SHISA5: variants seen among roughly 807,000 people sequenced by gnomAD.
SHISA5 encodes the protein protein shisa-5.
A neutral mutation model predicts 27.5 loss-of-function variants in SHISA5; 21 were observed. That is an observed-to-expected ratio of 0.76 (90% CI 0.54 to 1.10). The LOEUF is 1.10. Among genes scored for constraint, SHISA5 ranks in the 50% least tolerant of loss-of-function variants. The pLI is 0.00. For synonymous variants in SHISA5, 137 were observed against 142.2 expected (o/e 0.96, Z 0.26); for missense variants, 314 against 336.3 (o/e 0.93, Z 0.52).
At chr3:48,494,539 C>T (rs1388976438) in intron 2 of SHISA5, among the ~76,000 whole-genome samples, 1 of 147,618 alleles carries the variant, frequency 6.8e-6, no homozygotes, top group East Asian at 1.9e-4. Context: ...GTGATCCACC[C>T]CCCCTTGGCC....
intron 2 of SHISA5, among the ~76,000 whole-genome samples, chr3:48,486,287 G>GTATTATA (rs1456137302): frequency 2.4e-3 from 2 of 838 alleles, no homozygotes; most frequent in Non-Finnish European, 4.5e-3. Flanking sequence ...AACATATAAT[G>GTATTATA]TATTATATAT....
In SHISA5 at chr3:48,468,906, C is replaced by G. The variant is rs1489560150; in HGVS notation, c.*201G>C. The G allele has an allele frequency of 6.5e-7, 1 of 1,539,316 alleles. No homozygotes were observed. Among genetic ancestry groups the G allele is most frequent in the Admixed American group, 2.0e-5 (1 of 51,076 alleles). On this transcript the variant is annotated 3_prime_UTR_variant, in exon 6 of 6. Transcript: ENST00000296444. ...AAGAGAACAAAGTCTGGTCCCAGCC[C>G]ACTCTGGCAAGGATTGTTCCCCACC...
chr3:48,473,294 C>T lies in SHISA5; in HGVS notation c.315-3451G>A. 1.4e-6 allele frequency: 2 copies of T among 1,385,608 alleles called. No homozygotes were observed. Among genetic ancestry groups the T allele is most frequent in the Non-Finnish European group, 1.9e-6 (2 of 1,063,314 alleles). The allele number at this position is 1,385,608 out of a possible 1,614,324, so 85.8% of individuals were successfully genotyped here. ...GTGCCCCATTTGCCTCCCAGAGCTG[C>T]CTCCCTGAGCCAAGCCTACAGGGCC... On this transcript the variant is annotated intron_variant, in intron 3 of 5. Transcript: ENST00000296444. This position sits in a 1 kb window ranked among gnomAD's most constrained non-coding sequence, Gnocchi z 4.3.
In SHISA5 at chr3:48,501,216, A is replaced by C. The variant is rs1418186199; in HGVS notation, c.154T>G (p.Cys52Gly). The change falls in exon 2 of 6, where the codon TGT becomes GGT. Residue 52 changes from cysteine to glycine, a missense_variant. Coordinates refer to ENST00000296444, the MANE Select transcript of SHISA5 (RefSeq NM_016479.6). ...TCAGAGCAGCAGTATTGGTCATCAC[A>C]GGTACCACAGCAGAAATCTGGACAG... is the stretch of plus-strand genomic sequence containing the variant. ...ESCPDFCCGT[C>G]DDQYCCSDVL... is the part of the protein sequence containing the mutation. 5.0e-6 allele frequency: 8 copies of C among 1,614,134 alleles called. No homozygotes were observed. Among genetic ancestry groups the C allele is most frequent in the Non-Finnish European group, 6.8e-6 (8 of 1,180,020 alleles).
At position 48,501,224 on chromosome 3, in the gene SHISA5, C is replaced by T. The variant is rs765671794; in HGVS notation, c.146G>A (p.Cys49Tyr). 3.7e-6 allele frequency: 6 copies of T among 1,614,204 alleles called. No individual in the cohort carries two copies. In the South Asian group the frequency reaches 6.6e-5, roughly 18 times the overall value. ...GCAGTATTGGTCATCACAGGTACCA[C>T]AGCAGAAATCTGGACAGGACTCGGG... The part of the protein sequence containing the change: ...LFPESCPDFC[C>Y]GTCDDQYCCS... Residue 49 changes from cysteine (C) to tyrosine (Y), a missense_variant, in exon 2 of 6, where the codon TGT becomes TAT. Transcript: ENST00000296444.
rs1560115492 is a variant in SHISA5 at position 48,468,509 on chromosome 3, C to T, written c.*598G>A. 1.0e-5 allele frequency: 12 copies of T among 1,183,534 alleles called. No individual in the cohort carries two copies. Among genetic ancestry groups the T allele is most frequent in the South Asian group, 1.6e-5 (1 of 61,456 alleles). The allele number at this position is 1,183,534 out of a possible 1,614,324, so 73.3% of individuals were successfully genotyped here. A position where few individuals can be genotyped will look rare whatever the true frequency, so the allele number is the denominator to read the frequency against. Reference sequence around the variant, plus strand: ...CATCAGGAGGCTGCCTGATCCCCAACAGGCATGACAGGCTCCAGGGAGCAA... The same window carrying T: ...CATCAGGAGGCTGCCTGATCCCCAATAGGCATGACAGGCTCCAGGGAGCAA... On this transcript the variant is annotated 3_prime_UTR_variant, in exon 6 of 6. Coordinates refer to ENST00000296444, the MANE Select transcript of SHISA5 (RefSeq NM_016479.6).
At chr3:48,501,379 C>A (rs1553831288) in intron 1 of SHISA5, 86 bp from the exon 2 acceptor site, 8 of 1,384,416 alleles carry the variant, frequency 5.8e-6, no homozygotes, top group Non-Finnish European at 6.0e-6. Flanking sequence ...AGCCACCAGA[C>A]CACACACACA....
At chr3:48,479,292 A>T in intron 2 of SHISA5, 35 bp from the exon 3 acceptor site, 3 of 1,569,752 alleles carry the variant, frequency 1.9e-6, no homozygotes, top group Non-Finnish European at 2.6e-6. Context: ...AGCACAATGA[A>T]GCCCCACCGA....
At chr3:48,483,773 C>T (rs2041107996) in intron 2 of SHISA5, among the ~76,000 whole-genome samples, 1 of 148,740 alleles carries the variant, frequency 6.7e-6, no homozygotes, top group Admixed American at 6.7e-5. Context: ...GGGGCTGACC[C>T]CACCACCTCC....
intron 1 of SHISA5, chr3:48,502,246 AGGGGCCT>A: frequency 5.4e-6 from 2 of 372,864 alleles, no homozygotes; most frequent in South Asian, 3.9e-5. Flanking sequence ...CCACAACTGC[AGGGGCCT>A]GGCTCTCACA....
At chr3:48,496,784 A>C (rs1011457561) in intron 2 of SHISA5, among the ~76,000 whole-genome samples, 2 of 152,016 alleles carry the variant, frequency 1.3e-5, no homozygotes, top group African/African-American at 4.8e-5. Flanking sequence ...ATACCATAAA[A>C]AAAAACAAAG....
chr3:48,473,655 C>T lies in SHISA5; in HGVS notation c.315-3812G>A, dbSNP rs901156786. On this transcript the variant is annotated intron_variant, in intron 3 of 5. Coordinates refer to ENST00000296444, the MANE Select transcript of SHISA5 (RefSeq NM_016479.6). The surrounding 1 kb of genome is among the most constrained non-coding windows in gnomAD (Gnocchi z 4.3). ...TCCATCATGTCACCACCTGCTCAAA[C>T]GCCAGCTATGGCTCCTGTAGCTCTT... The T allele has an allele frequency of 1.3e-5, 15 of 1,157,682 alleles. No homozygotes were observed. The highest frequency in any genetic ancestry group is 3.9e-5 in the Admixed American group (1 of 25,930). The allele number at this position is 1,157,682 out of a possible 1,614,324, so 71.7% of individuals were successfully genotyped here.
chr3:48,471,410 C>T (rs958905285), intron 3 of SHISA5, among the ~76,000 whole-genome samples: 3 of 123,262 alleles, frequency 2.4e-5, no homozygotes, highest in Admixed American at 8.8e-5. Context: ...GGTGAAACCC[C>T]GTCTCTACTA....
intron 3 of SHISA5, among the ~76,000 whole-genome samples, chr3:48,475,347 G>A (rs1009530716): frequency 9.2e-5 from 14 of 152,094 alleles, no homozygotes; most frequent in Non-Finnish European, 1.9e-4. Flanking sequence ...TCAAAAGGCA[G>A]AGTCGGCCCA....
chr3:48,493,949 G>A lies in SHISA5; in HGVS notation c.233+7188C>T, dbSNP rs960423466. Among the ~76,000 whole-genome samples the A allele has an allele frequency of 6.8e-4, 101 of 147,668 alleles. 16 individuals carry two copies. Among genetic ancestry groups the A allele is most frequent in the African/African-American group, 2.0e-3 (74 of 37,430 alleles). On this transcript the variant is annotated intron_variant, in intron 2 of 5. Transcript: ENST00000296444. ...GTAATTAGCATATGCATTACTTCAC[G>A]TACTTACCTTTTTTTGTGGTGAGAA...
intron 2 of SHISA5, among the ~76,000 whole-genome samples, chr3:48,489,667 A>C (rs1425015829): frequency 3.9e-5 from 4 of 103,242 alleles, no homozygotes; most frequent in Admixed American, 1.4e-4. Context: ...TCACTCTGCC[A>C]CCCAAGCTGG....
chr3:48,473,238 G>C lies in SHISA5; in HGVS notation c.315-3395C>G. 1.4e-6 allele frequency: 2 copies of C among 1,426,578 alleles called. No homozygotes were observed. Among genetic ancestry groups the C allele is most frequent in the Non-Finnish European group, 9.1e-7 (1 of 1,093,814 alleles). The allele number at this position is 1,426,578 out of a possible 1,614,324, so 88.4% of individuals were successfully genotyped here. ...GCCGGCTAGCAGCCAAGGAGCCAAG[G>C]GGCGGGGGCCGGGGAGGAGGGGAAG... On this transcript the variant is annotated intron_variant, in intron 3 of 5. Coordinates refer to ENST00000296444, the MANE Select transcript of SHISA5 (RefSeq NM_016479.6). This position sits in a 1 kb window ranked among gnomAD's most constrained non-coding sequence, Gnocchi z 4.3.
chr3:48,483,526 C>A (rs995481700), intron 2 of SHISA5, among the ~76,000 whole-genome samples: 1 of 152,226 alleles, frequency 6.6e-6, no homozygotes, highest in African/African-American at 2.4e-5. Context: ...ATTTCTCAAT[C>A]TTTTCCCCAC....
At chr3:48,490,583 T>A (rs1352396959) in intron 2 of SHISA5, among the ~76,000 whole-genome samples, 2 of 152,204 alleles carry the variant, frequency 1.3e-5, no homozygotes, top group Non-Finnish European at 2.9e-5. Flanking sequence ...AATTCCTATC[T>A]AAGGGGCCTG....
Sources: gnomAD v4.1 joint callset for allele counts (sites outside exome capture counted in the v4.1 genomes callset) on GRCh38, gnomAD v4.1.1 for gene constraint, Gnocchi (gnomAD v3.1) non-coding constraint, MANE v1.5 for transcripts, NCBI Gene and HGNC (gene_info 2026-07-23, HGNC 2026-07-21) for gene names.